ANAPC10: variants seen among roughly 807,000 people sequenced by gnomAD.
ANAPC10 encodes the protein anaphase-promoting complex subunit 10.
A neutral mutation model predicts 22.0 loss-of-function variants in ANAPC10; 12 were observed. The ratio of observed to expected loss-of-function variants is 0.55; its 90% confidence interval spans 0.35 to 0.88. ANAPC10 has a LOEUF of 0.88. Ranked by LOEUF, ANAPC10 falls within the 40% of genes least tolerant of loss-of-function variation. The pLI is 0.01. For synonymous variants in ANAPC10, 65 were observed against 69.5 expected (o/e 0.94, Z 0.32); for missense variants, 188 against 220.9 (o/e 0.85, Z 0.94).
chr4:145,002,974 C>T (rs1732796066), intron 4 of ANAPC10, among the ~76,000 whole-genome samples: 1 of 152,138 alleles, frequency 6.6e-6, no homozygotes, highest in Admixed American at 6.6e-5. Context: ...AGGTAGTAGG[C>T]ATAATACCCG....
chr4:145,036,983 C>T (rs961788681), intron 4 of ANAPC10, among the ~76,000 whole-genome samples: 4 of 145,140 alleles, frequency 2.8e-5, no homozygotes, highest in African/African-American at 1.0e-4. Flanking sequence ...ATTTCTTATA[C>T]CAAATAGATA....
At chr4:145,079,968 G>A (rs1003006240) in intron 3 of ANAPC10, among the ~76,000 whole-genome samples, 15 of 151,862 alleles carry the variant, frequency 9.9e-5, no homozygotes, top group African/African-American at 3.6e-4. Context: ...ATAAAAATTA[G>A]CTGGGCGTGG....
rs140662090 is a variant in ANAPC10 at position 145,087,003 on chromosome 4, G to C, written c.116-5253C>G. On this transcript the variant is annotated intron_variant, in intron 2 of 4. Coordinates refer to ENST00000507656, the MANE Select transcript of ANAPC10 (RefSeq NM_001256706.2). ...CGGGGCTAAATCATGACTTACTTCA[G>C]TCAATACACTGTGACACAAGCAGAG... Among the ~76,000 whole-genome samples, 236 of 151,946 alleles carry C rather than the reference G, an allele frequency of 1.6e-3. 1 individual carries two copies. The highest frequency in any genetic ancestry group is 5.0e-3 in the African/African-American group (208 of 41,428).
chr4:145,013,189 A>G lies in ANAPC10; in HGVS notation c.328-17586T>C, dbSNP rs181417665. Among the ~76,000 whole-genome samples the G allele has an allele frequency of 8.6e-4, 131 of 152,304 alleles. 1 individual carries two copies. Among genetic ancestry groups the G allele is most frequent in the South Asian group, 1.9e-3 (9 of 4,828 alleles). ...TTCTTTACAGCAATCTAAGAACAGA[A>G]TAACAGAGGCCTGCATAATTTTTGT... On this transcript the variant is annotated intron_variant, in intron 4 of 4. Coordinates refer to ENST00000507656, the MANE Select transcript of ANAPC10 (RefSeq NM_001256706.2).
At chr4:145,054,057 C>T (rs561682897) in intron 4 of ANAPC10, among the ~76,000 whole-genome samples, 4 of 151,582 alleles carry the variant, frequency 2.6e-5, no homozygotes, top group East Asian at 2.0e-4. Context: ...TACAGGCACT[C>T]GCCACCATTC....
chr4:145,019,508 C>G (rs987733078), intron 4 of ANAPC10, among the ~76,000 whole-genome samples: 1 of 152,048 alleles, frequency 6.6e-6, no homozygotes, highest in African/African-American at 2.4e-5. Context: ...AGAGCACAAA[C>G]TGACACTCAA....
At chr4:145,060,711 A>C (rs1422160973) in intron 4 of ANAPC10, among the ~76,000 whole-genome samples, 2 of 152,112 alleles carry the variant, frequency 1.3e-5, no homozygotes, top group East Asian at 3.8e-4. Context: ...ATAACTAATG[A>C]AATGATGACT....
At chr4:145,041,387 T>C (rs967857484) in intron 4 of ANAPC10, among the ~76,000 whole-genome samples, 1 of 152,214 alleles carries the variant, frequency 6.6e-6, no homozygotes, top group South Asian at 2.1e-4. Flanking sequence ...ATGTTTTAAC[T>C]TGTTTCCAAA....
At chr4:145,093,864 A>G (rs1056619488) in intron 2 of ANAPC10, among the ~76,000 whole-genome samples, 1 of 152,250 alleles carries the variant, frequency 6.6e-6, no homozygotes, top group African/African-American at 2.4e-5. Flanking sequence ...TAGCATATGT[A>G]TAATTGGATT....
chr4:145,054,604 AGTGTGTGTGTGTGTGT>A (rs70956823), intron 4 of ANAPC10, among the ~76,000 whole-genome samples: 49 of 128,324 alleles, frequency 3.8e-4, no homozygotes, highest in African/African-American at 1.3e-3. Context: ...CATACTGAAT[AGTGTGTGTGTGTGTGT>A]GTGTGTGTGT....
intron 1 of ANAPC10, among the ~76,000 whole-genome samples, chr4:145,096,385 C>T (rs1263013634): frequency 6.6e-6 from 1 of 151,900 alleles, no homozygotes; most frequent in Non-Finnish European, 1.5e-5. Context: ...TGGCAAGACC[C>T]CATCTCTATT....
At chr4:145,066,029 T>C (rs1010042599) in intron 3 of ANAPC10, among the ~76,000 whole-genome samples, 1 of 152,084 alleles carries the variant, frequency 6.6e-6, no homozygotes, top group Non-Finnish European at 1.5e-5. Flanking sequence ...TTAAGAAATC[T>C]ATTTACATGT....
intron 4 of ANAPC10, among the ~76,000 whole-genome samples, chr4:145,007,189 T>C (rs1282037358): frequency 6.6e-6 from 1 of 151,974 alleles, no homozygotes; most frequent in Non-Finnish European, 1.5e-5. Context: ...ACAATAATAA[T>C]GGGAGACTTT....
At position 145,065,205 on chromosome 4, in the gene ANAPC10, ATTCT is replaced by A. The variant is rs34718277; in HGVS notation, c.207-517_207-514del. Among the ~76,000 whole-genome samples the A allele has an allele frequency of 9.9e-3, 1,504 of 151,980 alleles. 21 individuals carry two copies. The highest frequency in any genetic ancestry group is 0.034 in the African/African-American group (1,411 of 41,524). On this transcript the variant is annotated intron_variant, in intron 3 of 4. Coordinates refer to ENST00000507656, the MANE Select transcript of ANAPC10 (RefSeq NM_001256706.2). ...TGCAAGAAATAGAATTCTGCTGCTGATTCTTTCTTTCTTTCTTTCTTTTGCTATT... is the reference window on the plus strand; with the variant it reads ...TGCAAGAAATAGAATTCTGCTGCTGATTCTTTCTTTCTTTCTTTTGCTATT...
chr4:145,042,927 A>C (rs1054248163), intron 4 of ANAPC10, among the ~76,000 whole-genome samples: 29 of 152,098 alleles, frequency 1.9e-4, no homozygotes, highest in African/African-American at 6.3e-4. Context: ...TAAAAAAAAA[A>C]CAAAATAAAG....
intron 2 of ANAPC10, among the ~76,000 whole-genome samples, chr4:145,087,587 C>T (rs188290867): frequency 2.2e-4 from 34 of 152,232 alleles, no homozygotes; most frequent in African/African-American, 7.5e-4. Context: ...TACATTTAAA[C>T]GAAGTAAAAT....
chr4:145,082,470 T>C (rs1746217505), intron 2 of ANAPC10, among the ~76,000 whole-genome samples: 1 of 152,250 alleles, frequency 6.6e-6, no homozygotes. Context: ...AAAGAACGTA[T>C]GTATTTAAAC....
intron 4 of ANAPC10, among the ~76,000 whole-genome samples, chr4:145,015,943 AC>A: frequency 6.6e-6 from 1 of 152,150 alleles, no homozygotes; most frequent in East Asian, 1.9e-4. Flanking sequence ...GGAGCTCGAA[AC>A]CTTAAAACAA....
chr4:145,032,044 T>G (rs1737666557), intron 4 of ANAPC10, among the ~76,000 whole-genome samples: 1 of 152,186 alleles, frequency 6.6e-6, no homozygotes, highest in Admixed American at 6.5e-5. Context: ...AATGCCCATG[T>G]TCTCCACTCC....
Sources: allele counts gnomAD v4.1 joint callset (sites outside exome capture counted in the v4.1 genomes callset), GRCh38; gene constraint gnomAD v4.1.1; transcripts MANE v1.5; gene names NCBI Gene and HGNC (gene_info 2026-07-23, HGNC 2026-07-21).